AP2B1: variants seen among roughly 807,000 people sequenced by gnomAD.
AP2B1 encodes the protein adaptor related protein complex 2 subunit beta 1, also known as AP-2 complex subunit beta.
AP2B1 carries 23 observed loss-of-function variants against 102.0 expected under a neutral mutation model. The observed-to-expected ratio is 0.23, with a 90% CI of 0.16 to 0.32. AP2B1 has a LOEUF of 0.32. AP2B1 is among the 10% of genes least tolerant of loss of function. AP2B1 has a pLI of 1.00. For missense variants in AP2B1, 541 were observed against 1,157.4 expected, an observed-to-expected ratio of 0.47 and a Z score of 7.73; for synonymous variants, 381 against 421.2, an observed-to-expected ratio of 0.90 and a Z score of 1.17.
chr17:35,698,915 A>G (rs1421761436), intron 18 of AP2B1, among the ~76,000 whole-genome samples: 1 of 152,250 alleles, frequency 6.6e-6, no homozygotes, highest in African/African-American at 2.4e-5. Context: ...AGTTTAATCC[A>G]AAGTCTTTTA....
intron 17 of AP2B1, among the ~76,000 whole-genome samples, chr17:35,680,700 G>GTTTTTT (rs1176447688): frequency 7.8e-6 from 1 of 128,920 alleles, no homozygotes; most frequent in African/African-American, 2.9e-5. Context: ...TTTTTTTTTT[G>GTTTTTT]TTTTTTTTTT....
Position 35,723,901 on chromosome 17 carries a change from CA to C in AP2B1, c.*203del. 2.1e-6 allele frequency: 1 copy of C among 487,588 alleles called. No individual in the cohort carries two copies. The highest frequency in any genetic ancestry group is 3.7e-6 in the Non-Finnish European group (1 of 268,872). The allele number at this position is 487,588 out of a possible 1,614,324, so 30.2% of individuals were successfully genotyped here. On this transcript the variant is annotated 3_prime_UTR_variant, in exon 22 of 22. Transcript: ENST00000610402. The stretch of plus-strand genomic sequence containing the variant: ...CTGTGAACATTTGTAACCACTGCTT[CA>C]GTCACCTCCCACCTCTTGCCACCTG...
intron 18 of AP2B1, among the ~76,000 whole-genome samples, chr17:35,701,739 CTGAG>C (rs760571244): frequency 2.6e-5 from 4 of 152,174 alleles, no homozygotes; most frequent in African/African-American, 4.8e-5. Context: ...CTTCAGCCTC[CTGAG>C]TAACTGGGAC....
rs2085469444 is a variant in AP2B1 at position 35,723,737 on chromosome 17, G to A, written c.*38G>A. The A allele has an allele frequency of 6.9e-7, 1 of 1,438,886 alleles. No individual in the cohort carries two copies. Among genetic ancestry groups the A allele is most frequent in the Non-Finnish European group, 9.8e-7 (1 of 1,022,230 alleles). The allele number at this position is 1,438,886 out of a possible 1,614,324, so 89.1% of individuals were successfully genotyped here. A position where few individuals can be genotyped will look rare whatever the true frequency, so the allele number is the denominator to read the frequency against. On this transcript the variant is annotated 3_prime_UTR_variant, in exon 22 of 22. Coordinates refer to ENST00000610402, the MANE Select transcript of AP2B1 (RefSeq NM_001030006.2). ...AGTACCCTTCAACCATGCTGTGATC[G>A]GTGCAAGTCAAGAACTCTTAACTGG...
rs137912081 is a variant in AP2B1, at chr17:35,632,754, A to G, written c.1156-3587A>G. 1.8e-3 allele frequency among the ~76,000 whole-genome samples: 269 copies of G among 152,078 alleles called. 1 individual carries two copies. The highest frequency in any genetic ancestry group is 5.8e-3 in the African/African-American group (240 of 41,504). ...ATAAATGTTTTTCAAATGTTTATAC[A>G]TCATGAGTAACATCCTTTTATTTGT... On this transcript the variant is annotated intron_variant, in intron 9 of 21. Coordinates refer to ENST00000610402, the MANE Select transcript of AP2B1 (RefSeq NM_001030006.2).
chr17:35,644,659 A>G (rs1377124877), intron 12 of AP2B1, among the ~76,000 whole-genome samples: 3 of 151,674 alleles, frequency 2.0e-5, no homozygotes, highest in African/African-American at 7.3e-5. Context: ...CACTGGGATT[A>G]TAAGTGTGAG....
intron 18 of AP2B1, among the ~76,000 whole-genome samples, chr17:35,694,531 G>A (rs1280648907): frequency 6.6e-6 from 1 of 151,680 alleles, no homozygotes; most frequent in East Asian, 2.0e-4. Flanking sequence ...AAAGTGCTGG[G>A]ATTACAGGCA....
chr17:35,639,536 A>C (rs1360262762), intron 10 of AP2B1, 59 bp from the exon 11 acceptor site: 2 of 1,501,060 alleles, frequency 1.3e-6, no homozygotes, highest in African/African-American at 2.8e-5. Flanking sequence ...TTTAGCCTTC[A>C]CTGTTAAATT....
chr17:35,721,419 A>G (rs2085388294), intron 21 of AP2B1, among the ~76,000 whole-genome samples: 1 of 152,180 alleles, frequency 6.6e-6, no homozygotes, highest in African/African-American at 2.4e-5. Context: ...TGGAAAGTTA[A>G]GCCCCAAGGA....
chr17:35,669,141 C>T (rs1013612200), intron 14 of AP2B1, among the ~76,000 whole-genome samples: 6 of 81,286 alleles, frequency 7.4e-5, no homozygotes, highest in African/African-American at 3.8e-4. Context: ...TTTGGGGATG[C>T]CTTTTTTTTT....
Position 35,627,628 on chromosome 17 carries a change from C to T in AP2B1, c.1060-3C>T. ...ATGATTAACCACTTCCTGGGTTTAA[C>T]AGGTTCTGGCAGAACTGAAAGAATA... On this transcript the variant is annotated splice_polypyrimidine_tract_variant and splice_region_variant and intron_variant, in intron 8 of 21. Coordinates refer to ENST00000610402, the MANE Select transcript of AP2B1 (RefSeq NM_001030006.2). 3 of 1,613,692 alleles carry T rather than the reference C, an allele frequency of 1.9e-6. No individual in the cohort carries two copies. The highest frequency in any genetic ancestry group is 2.5e-6 in the Non-Finnish European group (3 of 1,179,880).
intron 18 of AP2B1, among the ~76,000 whole-genome samples, chr17:35,693,052 T>G (rs1293267691): frequency 6.6e-6 from 1 of 152,102 alleles, no homozygotes; most frequent in African/African-American, 2.4e-5. Flanking sequence ...TCTCACTCTG[T>G]TGTTGCCCAG....
At chr17:35,680,412 G>A (rs1347571255) in intron 17 of AP2B1, among the ~76,000 whole-genome samples, 1 of 152,030 alleles carries the variant, frequency 6.6e-6, no homozygotes, top group East Asian at 1.9e-4. Context: ...GCCCAGGCAT[G>A]GTGCAGTTGA....
chr17:35,689,638 T>C (rs769401673), intron 18 of AP2B1, among the ~76,000 whole-genome samples: 1 of 152,260 alleles, frequency 6.6e-6, no homozygotes, highest in Non-Finnish European at 1.5e-5. Flanking sequence ...GCACATATTA[T>C]GGTGGGTTGA....
chr17:35,596,842 C>T (rs1374478752), intron 2 of AP2B1: 14 of 672,538 alleles, frequency 2.1e-5, no homozygotes, highest in Admixed American at 1.5e-4. Flanking sequence ...TGCCCCACAC[C>T]GCACACAGGC....
chr17:35,603,922 A>G (rs1320021928), intron 3 of AP2B1, among the ~76,000 whole-genome samples: 1 of 152,168 alleles, frequency 6.6e-6, no homozygotes, highest in Non-Finnish European at 1.5e-5. Context: ...AACTGGGCAC[A>G]GTCTGATCTG....
chr17:35,597,791 CTG>C (rs1199773364), intron 2 of AP2B1, among the ~76,000 whole-genome samples: 2 of 152,188 alleles, frequency 1.3e-5, no homozygotes, highest in Admixed American at 6.5e-5. Flanking sequence ...GTCACTGACT[CTG>C]TGAACTTTGA....
rs1178958191 is a variant in AP2B1, at chr17:35,645,774, G to A, written c.1536+3799G>A. On this transcript the variant is annotated intron_variant, in intron 12 of 21. Coordinates refer to ENST00000610402, the MANE Select transcript of AP2B1 (RefSeq NM_001030006.2). ...TGAGGCAGGAGAATCACTTGAACCC[G>A]GGAGGCAGAGGTTGCAGTGAGCCAA... is the stretch of plus-strand genomic sequence containing the variant. Among the ~76,000 whole-genome samples, 18 of 152,046 alleles carry A rather than the reference G, an allele frequency of 1.2e-4. No homozygotes were observed. In the South Asian group the frequency reaches 1.7e-3, roughly 14 times the overall value.
intron 9 of AP2B1, among the ~76,000 whole-genome samples, chr17:35,631,137 C>A (rs1426650241): frequency 6.6e-6 from 1 of 152,102 alleles, no homozygotes; most frequent in Non-Finnish European, 1.5e-5. Context: ...TTGCCTATTT[C>A]TTTCAGGAGT....
Sources: gnomAD v4.1 joint callset for allele counts (sites outside exome capture counted in the v4.1 genomes callset) on GRCh38, gnomAD v4.1.1 for gene constraint, MANE v1.5 for transcripts, NCBI Gene and HGNC (gene_info 2026-07-23, HGNC 2026-07-21) for gene names.